KSR2: variants seen among roughly 807,000 people sequenced by gnomAD.
KSR2 encodes the protein kinase suppressor of ras 2.
In KSR2, 25 loss-of-function variants were observed where a neutral mutation model predicts 107.8. That is an observed-to-expected ratio of 0.23 (90% CI 0.17 to 0.32). The LOEUF (loss-of-function observed/expected upper bound fraction) is 0.32. Ranked by LOEUF, KSR2 falls within the 10% of genes least tolerant of loss-of-function variation. The probability of loss-of-function intolerance (pLI) is 1.00; values close to 1 mark genes in which losing one functional copy is unlikely to be tolerated. For synonymous variants in KSR2, 480 were observed against 507.0 expected, an observed-to-expected ratio of 0.95 and a Z score of 0.71; for missense variants, 887 against 1,268.9, an observed-to-expected ratio of 0.70 and a Z score of 4.57.
rs746390435 is a variant in KSR2, at chr12:117,855,409, G to C, written c.472+19C>G. ...GCTGGGGACAAGTCTCCACATCCCCGACCCCGGGGCCTGCTCACCTGACAT... is the reference window on the plus strand; with the variant it reads ...GCTGGGGACAAGTCTCCACATCCCCCACCCCGGGGCCTGCTCACCTGACAT... On this transcript the variant is annotated intron_variant, in intron 3 of 19. Transcript: ENST00000339824. 2.5e-6 allele frequency: 4 copies of C among 1,613,818 alleles called. No individual in the cohort carries two copies. The Admixed American group carries it at 5.0e-5, about 20-fold the overall frequency.
intron 5 of KSR2, among the ~76,000 whole-genome samples, chr12:117,662,060 C>T (rs943938202): frequency 3.3e-5 from 5 of 152,128 alleles, no homozygotes; most frequent in East Asian, 1.9e-4. Context: ...TGCCAGGCAA[C>T]GTGGAACCTC....
intron 15 of KSR2, among the ~76,000 whole-genome samples, chr12:117,485,201 A>C (rs1163722377): frequency 6.6e-6 from 1 of 152,168 alleles, no homozygotes; most frequent in East Asian, 1.9e-4. Flanking sequence ...TTAATCCAAA[A>C]CAACACCCAA....
chr12:117,949,093 T>A (rs1896283313), intron 1 of KSR2, among the ~76,000 whole-genome samples: 1 of 151,302 alleles, frequency 6.6e-6, no homozygotes, highest in Non-Finnish European at 1.5e-5. Context: ...AGACTCTGTC[T>A]CAAAAAATAA....
chr12:117,944,249 G>A (rs897042773), intron 1 of KSR2, among the ~76,000 whole-genome samples: 12 of 152,250 alleles, frequency 7.9e-5, no homozygotes, highest in African/African-American at 1.4e-4. Context: ...GGTGGTGCAC[G>A]CCTATAATCC....
intron 7 of KSR2, among the ~76,000 whole-genome samples, chr12:117,572,350 G>A (rs767013827): frequency 1.3e-5 from 2 of 152,110 alleles, no homozygotes; most frequent in Non-Finnish European, 2.9e-5. Flanking sequence ...TAAAATGCAC[G>A]TTTCTAGGCC....
At chr12:117,468,711 T>A (rs1424595313) in intron 19 of KSR2, among the ~76,000 whole-genome samples, 1 of 149,784 alleles carries the variant, frequency 6.7e-6, no homozygotes, top group African/African-American at 2.4e-5. Context: ...TATATACACA[T>A]GTCTTCATGT....
chr12:117,751,120 G>T (rs1415942630), intron 4 of KSR2, among the ~76,000 whole-genome samples: 2 of 152,176 alleles, frequency 1.3e-5, no homozygotes. Flanking sequence ...CTGTTTTCAT[G>T]ATAGTGAGTG....
At chr12:117,583,771 CG>C (rs1468139856) in intron 5 of KSR2, among the ~76,000 whole-genome samples, 1 of 152,150 alleles carries the variant, frequency 6.6e-6, no homozygotes, top group Non-Finnish European at 1.5e-5. Context: ...GCAAGGAACT[CG>C]TCCTGCTTGT....
chr12:117,870,918 G>A (rs1278505085), intron 1 of KSR2, among the ~76,000 whole-genome samples: 2 of 152,176 alleles, frequency 1.3e-5, no homozygotes, highest in East Asian at 3.9e-4. Context: ...GCCGAGCAGG[G>A]AAAAACCCAG....
At chr12:117,661,581 T>TA (rs1401931208) in intron 5 of KSR2, among the ~76,000 whole-genome samples, 5 of 151,998 alleles carry the variant, frequency 3.3e-5, no homozygotes, top group African/African-American at 4.8e-5. Context: ...ATGAAAGCTT[T>TA]AAAAAAAACT....
intron 5 of KSR2, among the ~76,000 whole-genome samples, chr12:117,612,019 T>C (rs1297596986): frequency 6.6e-6 from 1 of 152,144 alleles, no homozygotes; most frequent in African/African-American, 2.4e-5. Context: ...TTGGGAAAGA[T>C]GAAAAAGTTC....
At chr12:117,733,279 A>G (rs532549375) in intron 4 of KSR2, among the ~76,000 whole-genome samples, 176 of 152,228 alleles carry the variant, frequency 1.2e-3, no homozygotes, top group African/African-American at 4.1e-3. Flanking sequence ...GCTATAGTCC[A>G]GCCACACAAC....
intron 14 of KSR2, among the ~76,000 whole-genome samples, chr12:117,490,812 T>G (rs1452029628): frequency 3.9e-5 from 6 of 152,192 alleles, no homozygotes; most frequent in Non-Finnish European, 1.5e-5. Flanking sequence ...GGGGATGAAT[T>G]TAACGTGTAA....
chr12:117,915,304 G>C (rs557221562), intron 1 of KSR2, among the ~76,000 whole-genome samples: 4 of 152,310 alleles, frequency 2.6e-5, no homozygotes, highest in African/African-American at 9.6e-5. Context: ...TGAGCTCTCT[G>C]AGGGCCCTTT....
intron 14 of KSR2, among the ~76,000 whole-genome samples, chr12:117,517,466 A>G (rs1449905380): frequency 6.6e-6 from 1 of 152,222 alleles, no homozygotes; most frequent in Non-Finnish European, 1.5e-5. Context: ...GTGATGACAG[A>G]TGTCACACGT....
intron 11 of KSR2, 21 bp from the exon 12 acceptor site, chr12:117,531,034 A>G: frequency 6.2e-7 from 1 of 1,609,010 alleles, no homozygotes; most frequent in Non-Finnish European, 8.5e-7. Context: ...GAGATTGAAC[A>G]CTCAGAAAAA....
chr12:117,805,009 G>C (rs1890963441), intron 3 of KSR2, among the ~76,000 whole-genome samples: 1 of 152,162 alleles, frequency 6.6e-6, no homozygotes, highest in African/African-American at 2.4e-5. Flanking sequence ...TGGGCTCTAA[G>C]TAGGGTGACC....
At chr12:117,652,110 G>A (rs549323996) in intron 5 of KSR2, among the ~76,000 whole-genome samples, 1 of 152,278 alleles carries the variant, frequency 6.6e-6, no homozygotes, top group Admixed American at 6.5e-5. Flanking sequence ...ACTAAGCTAT[G>A]AGGACGCAAC....
At chr12:117,904,944 G>T (rs994482494) in intron 1 of KSR2, among the ~76,000 whole-genome samples, 1 of 152,200 alleles carries the variant, frequency 6.6e-6, no homozygotes, top group African/African-American at 2.4e-5. Flanking sequence ...CAGTTTGGGA[G>T]GCCAAGGCAG....
Sources: allele counts gnomAD v4.1 joint callset (sites outside exome capture counted in the v4.1 genomes callset), GRCh38; gene constraint gnomAD v4.1.1; transcripts MANE v1.5; gene names NCBI Gene and HGNC (gene_info 2026-07-23, HGNC 2026-07-21).